GABRB2: variants seen among roughly 807,000 people sequenced by gnomAD.
The protein encoded by GABRB2 is gamma-aminobutyric acid type A receptor subunit beta2.
A neutral mutation model predicts 54.7 loss-of-function variants in GABRB2; 16 were observed. The observed-to-expected ratio is 0.29, with a 90% CI of 0.20 to 0.44. The LOEUF (loss-of-function observed/expected upper bound fraction) is 0.44. GABRB2 is among the 20% of genes least tolerant of loss of function. GABRB2 has a pLI of 1.00. For missense variants in GABRB2, 355 were observed against 644.0 expected (o/e 0.55, Z 4.86); for synonymous variants, 244 against 233.8 (o/e 1.04, Z -0.40).
At chr5:161,356,700 C>A (rs184255426) in intron 5 of GABRB2, among the ~76,000 whole-genome samples, 5 of 152,228 alleles carry the variant, frequency 3.3e-5, no homozygotes, top group Non-Finnish European at 7.4e-5. Flanking sequence ...AACAATGAAT[C>A]GCAGGTGCCA....
At chr5:161,500,826 T>C (rs1220490392) in intron 3 of GABRB2, among the ~76,000 whole-genome samples, 1 of 152,178 alleles carries the variant, frequency 6.6e-6, no homozygotes, top group Non-Finnish European at 1.5e-5. Flanking sequence ...CAAATGTTTC[T>C]TGATTTTTTT....
chr5:161,430,206 C>T (rs546810997), intron 4 of GABRB2, among the ~76,000 whole-genome samples: 3 of 152,218 alleles, frequency 2.0e-5, no homozygotes, highest in East Asian at 1.9e-4. Flanking sequence ...CAAACTAAAA[C>T]TCACTGAAGG....
At chr5:161,406,754 T>C (rs1756358625) in intron 5 of GABRB2, among the ~76,000 whole-genome samples, 1 of 152,084 alleles carries the variant, frequency 6.6e-6, no homozygotes, top group South Asian at 2.1e-4. Context: ...AATTGGTTTC[T>C]GATGCTGTCA....
chr5:161,311,713 C>G (rs3901706), intron 9 of GABRB2, among the ~76,000 whole-genome samples: 19,353 of 152,204 alleles, frequency 0.13, 1,740 homozygotes, highest in African/African-American at 0.22. Context: ...GTCCACAGAT[C>G]AGCTGCTTTG....
intron 3 of GABRB2, among the ~76,000 whole-genome samples, chr5:161,477,792 T>G (rs1581019193): frequency 6.6e-6 from 1 of 152,042 alleles, no homozygotes; most frequent in East Asian, 1.9e-4. Context: ...CATAGTGGTT[T>G]TCAGGAGCTG....
intron 4 of GABRB2, among the ~76,000 whole-genome samples, chr5:161,448,933 T>C (rs1757712482): frequency 6.6e-6 from 1 of 152,204 alleles, no homozygotes; most frequent in Non-Finnish European, 1.5e-5. Context: ...TTGTGGAGTC[T>C]TGTTTAAAAC....
chr5:161,410,104 A>G (rs544874151), intron 5 of GABRB2, among the ~76,000 whole-genome samples: 1 of 152,218 alleles, frequency 6.6e-6, no homozygotes, highest in African/African-American at 2.4e-5. Flanking sequence ...CCAGTTACTC[A>G]TTATTTAGAA....
chr5:161,545,425 TG>T, intron 2 of GABRB2, 131 bp from the exon 3 acceptor site: 1 of 388,964 alleles, frequency 2.6e-6, no homozygotes, highest in Non-Finnish European at 4.3e-6. Context: ...TTCAATTCTC[TG>T]CTTTTTTTGT....
chr5:161,463,562 T>TAG, intron 3 of GABRB2, among the ~76,000 whole-genome samples: 1 of 76,094 alleles, frequency 1.3e-5, no homozygotes, highest in African/African-American at 3.9e-5. Context: ...TATTTATATA[T>TAG]ATATATATAT....
chr5:161,322,981 T>G (rs576997146), intron 9 of GABRB2, among the ~76,000 whole-genome samples: 1 of 152,220 alleles, frequency 6.6e-6, no homozygotes, highest in Non-Finnish European at 1.5e-5. Flanking sequence ...TTTTTAAATA[T>G]ACTTTTAAAA....
chr5:161,498,733 C>T (rs1289233807), intron 3 of GABRB2, among the ~76,000 whole-genome samples: 3 of 152,032 alleles, frequency 2.0e-5, no homozygotes, highest in Non-Finnish European at 4.4e-5. Context: ...TGCCCTGACA[C>T]ACCACAATAT....
intron 5 of GABRB2, among the ~76,000 whole-genome samples, chr5:161,341,778 T>C (rs1225642875): frequency 6.6e-6 from 1 of 150,736 alleles, no homozygotes; most frequent in Non-Finnish European, 1.5e-5. Context: ...TTTCTCTCTT[T>C]ACTGTCAATC....
intron 3 of GABRB2, among the ~76,000 whole-genome samples, chr5:161,476,497 A>C (rs929754151): frequency 1.3e-5 from 2 of 151,900 alleles, no homozygotes; most frequent in South Asian, 4.1e-4. Context: ...AATAATCTTG[A>C]AAAAGAGCAA....
At chr5:161,504,763 A>G (rs1340181337) in intron 3 of GABRB2, among the ~76,000 whole-genome samples, 1 of 152,024 alleles carries the variant, frequency 6.6e-6, no homozygotes, top group Non-Finnish European at 1.5e-5. Flanking sequence ...AATTAAAAAA[A>G]AAAGGTATAT....
intron 9 of GABRB2, among the ~76,000 whole-genome samples, chr5:161,305,912 T>A (rs1010490022): frequency 6.6e-6 from 1 of 152,202 alleles, no homozygotes; most frequent in Non-Finnish European, 1.5e-5. Flanking sequence ...ACAGTGCACA[T>A]CACTAAGAGG....
intron 5 of GABRB2, among the ~76,000 whole-genome samples, chr5:161,382,974 T>A (rs1380189147): frequency 1.3e-5 from 2 of 152,192 alleles, no homozygotes; most frequent in East Asian, 3.8e-4. Context: ...GAGACTTGGA[T>A]GGACATCAAT....
intron 3 of GABRB2, among the ~76,000 whole-genome samples, chr5:161,513,000 A>G (rs577522255): frequency 5.7e-4 from 86 of 152,178 alleles, no homozygotes; most frequent in African/African-American, 2.0e-3. Flanking sequence ...AACCACAGTG[A>G]GATACCATCA....
chr5:161,371,222 C>T (rs981830800), intron 5 of GABRB2, among the ~76,000 whole-genome samples: 3 of 151,982 alleles, frequency 2.0e-5, no homozygotes, highest in Non-Finnish European at 4.4e-5. Context: ...CAGAAACTCT[C>T]TTGAAAATAT....
rs141240068 is a variant in GABRB2 at position 161,371,062 on chromosome 5, C to A, written c.542-34293G>T. On this transcript the variant is annotated intron_variant, in intron 5 of 9. Coordinates refer to ENST00000393959, the MANE Select transcript of GABRB2 (RefSeq NM_001371727.1). ...CACTTCTTCCTCCTCTTAGCTCTGA[C>A]AGCTGGTCAGACTGGGCACTAAGAG... Among the ~76,000 whole-genome samples the A allele has an allele frequency of 5.0e-3, 759 of 152,282 alleles. 9 individuals are homozygous for A. Among genetic ancestry groups the A allele is most frequent in the Middle Eastern group, 6.8e-3 (2 of 294 alleles).
Sources: allele counts gnomAD v4.1 joint callset (sites outside exome capture counted in the v4.1 genomes callset), GRCh38; gene constraint gnomAD v4.1.1; transcripts MANE v1.5; gene names NCBI Gene and HGNC (gene_info 2026-07-23, HGNC 2026-07-21).